Variants in SYN3 observed in about 807,000 individuals in gnomAD.
SYN3 encodes the protein synapsin-3.
Under a neutral mutation model 65.8 loss-of-function variants are expected in SYN3, and 35 were observed. The ratio of observed to expected loss-of-function variants is 0.53; its 90% CI spans 0.41 to 0.70. The LOEUF (loss-of-function observed/expected upper bound fraction) is 0.70. Among genes scored for constraint, SYN3 ranks in the 30% least tolerant of loss-of-function variants. SYN3 has a pLI of 0.00. For missense variants in SYN3, 680 were observed against 749.0 expected (o/e 0.91, Z 1.08); for synonymous variants, 270 against 292.9 (o/e 0.92, Z 0.80).
At chr22:32,668,505 C>T (rs113030710) in intron 6 of SYN3, among the ~76,000 whole-genome samples, 9 of 152,084 alleles carry the variant, frequency 5.9e-5, no homozygotes, top group African/African-American at 1.9e-4. Flanking sequence ...CCTCCCTTCA[C>T]TCCTTTCCTT....
At chr22:32,990,810 G>T (rs889224622) in intron 2 of SYN3, among the ~76,000 whole-genome samples, 1 of 152,168 alleles carries the variant, frequency 6.6e-6, no homozygotes, top group African/African-American at 2.4e-5. Context: ...TACTTTGGGA[G>T]GCTGAGGTGG....
At chr22:32,850,749 A>C (rs2048195266) in intron 6 of SYN3, among the ~76,000 whole-genome samples, 1 of 152,118 alleles carries the variant, frequency 6.6e-6, no homozygotes, top group Non-Finnish European at 1.5e-5. Context: ...GGCATGCAAA[A>C]GTGACTTGGT....
chr22:32,754,361 AG>A (rs2045231258), intron 6 of SYN3, among the ~76,000 whole-genome samples: 1 of 152,184 alleles, frequency 6.6e-6, no homozygotes, highest in Non-Finnish European at 1.5e-5. Flanking sequence ...CATGTTTGCC[AG>A]GCTGGTCTCA....
chr22:32,960,334 G>A (rs73408536), intron 3 of SYN3, among the ~76,000 whole-genome samples: 1,766 of 152,286 alleles, frequency 0.012, 44 homozygotes, highest in African/African-American at 0.04. Context: ...ACTAGGGACA[G>A]CCCCTACTCT....
At chr22:33,024,047 A>G (rs1217517694) in intron 1 of SYN3, among the ~76,000 whole-genome samples, 1 of 152,098 alleles carries the variant, frequency 6.6e-6, no homozygotes, top group African/African-American at 2.4e-5. Context: ...TGAGCAAGGA[A>G]GGCACTCTCT....
At chr22:32,739,884 G>A (rs948811089) in intron 6 of SYN3, among the ~76,000 whole-genome samples, 7 of 152,186 alleles carry the variant, frequency 4.6e-5, no homozygotes, top group Non-Finnish European at 5.9e-5. Flanking sequence ...TATGAGCCAC[G>A]TCAAGCCCAG....
At chr22:32,835,882 C>A (rs990573735) in intron 6 of SYN3, among the ~76,000 whole-genome samples, 1 of 152,212 alleles carries the variant, frequency 6.6e-6, no homozygotes, top group Non-Finnish European at 1.5e-5. Flanking sequence ...TTAGACATTA[C>A]AAGAGTTATG....
chr22:32,586,772 T>G (rs975894477), intron 7 of SYN3, among the ~76,000 whole-genome samples: 10 of 152,108 alleles, frequency 6.6e-5, no homozygotes, highest in African/African-American at 2.4e-4. Context: ...TTGGCAAACA[T>G]GGAGTCTGTG....
chr22:32,910,856 G>T (rs944832398), intron 4 of SYN3, among the ~76,000 whole-genome samples: 1 of 152,202 alleles, frequency 6.6e-6, no homozygotes. Context: ...TGGCTGCCTA[G>T]ATTTTATCTA....
chr22:32,807,371 TATATATAATATATATTATATATAATATA>T (rs2046782273), intron 6 of SYN3, among the ~76,000 whole-genome samples: 11 of 111,202 alleles, frequency 9.9e-5, no homozygotes, highest in East Asian at 6.8e-4. Context: ...TAATATATAT[TATATATAATATATATTATATATAATATA>T]TATATATTAT....
At chr22:32,662,373 T>C (rs2060228155) in intron 6 of SYN3, among the ~76,000 whole-genome samples, 1 of 152,236 alleles carries the variant, frequency 6.6e-6, no homozygotes, top group African/African-American at 2.4e-5. Context: ...GACGTGTACA[T>C]ACAGCTGCCT....
intron 6 of SYN3, among the ~76,000 whole-genome samples, chr22:32,676,887 C>T (rs1294438897): frequency 2.6e-5 from 4 of 152,084 alleles, no homozygotes; most frequent in Admixed American, 6.5e-5. Context: ...AGGCCTTGTG[C>T]GGCCAGCTCT....
chr22:32,701,080 A>T (rs1770465353), intron 6 of SYN3, among the ~76,000 whole-genome samples: 1 of 152,220 alleles, frequency 6.6e-6, no homozygotes, highest in South Asian at 2.1e-4. Context: ...AGTCAACATG[A>T]TCACTTTTCT....
chr22:32,904,287 C>T (rs1462026979), intron 4 of SYN3, among the ~76,000 whole-genome samples: 1 of 152,180 alleles, frequency 6.6e-6, no homozygotes, highest in East Asian at 1.9e-4. Context: ...TGCAATATGG[C>T]TCTGCGAGGC....
intron 6 of SYN3, among the ~76,000 whole-genome samples, chr22:32,639,801 C>A (rs929749507): frequency 3.9e-5 from 6 of 152,222 alleles, no homozygotes; most frequent in African/African-American, 1.2e-4. Flanking sequence ...CCCACCTTGG[C>A]CTCCCAAAGT....
intron 6 of SYN3, among the ~76,000 whole-genome samples, chr22:32,671,348 ACACT>A (rs1390926887): frequency 6.6e-6 from 1 of 151,770 alleles, no homozygotes; most frequent in African/African-American, 2.4e-5. Flanking sequence ...ATCCACACCC[ACACT>A]CACTCTTACT....
intron 2 of SYN3, among the ~76,000 whole-genome samples, chr22:32,993,977 T>C (rs1053384220): frequency 6.6e-6 from 1 of 151,704 alleles, no homozygotes; most frequent in Admixed American, 6.6e-5. Flanking sequence ...AGGGTGAAGC[T>C]CTCCCCTAAG....
intron 12 of SYN3, among the ~76,000 whole-genome samples, chr22:32,527,289 G>T (rs2057994216): frequency 6.6e-6 from 1 of 152,134 alleles, no homozygotes; most frequent in Non-Finnish European, 1.5e-5. Context: ...ACCATTTTCT[G>T]CCTCCTTGGG....
chr22:32,716,186 C>G (rs535065845), intron 6 of SYN3, among the ~76,000 whole-genome samples: 2 of 152,272 alleles, frequency 1.3e-5, no homozygotes, highest in East Asian at 1.9e-4. Flanking sequence ...GTTGGTGTAC[C>G]CATCTCCAAA....
Sources: allele counts gnomAD v4.1 joint callset (sites outside exome capture counted in the v4.1 genomes callset), GRCh38; gene constraint gnomAD v4.1.1; transcripts MANE v1.5; gene names NCBI Gene and HGNC (gene_info 2026-07-23, HGNC 2026-07-21).